G3BP1: variants seen among roughly 807,000 people sequenced by gnomAD.
G3BP1 encodes the protein ras GTPase-activating protein-binding protein 1.
G3BP1 carries 35 observed loss-of-function variants against 58.6 expected under a neutral mutation model. The ratio of observed to expected loss-of-function variants is 0.60; its 90% CI spans 0.46 to 0.79. The LOEUF is 0.79. G3BP1 is among the 30% of genes least tolerant of loss of function. The pLI is 0.00. For missense variants in G3BP1, 523 were observed against 580.8 expected (o/e 0.90, Z 1.02); for synonymous variants, 191 against 195.4 (o/e 0.98, Z 0.19).
Position 151,778,565 on chromosome 5 carries a change from C to G in G3BP1, c.-50+6529C>G, listed in dbSNP as rs867487356. On this transcript the variant is annotated intron_variant, in intron 1 of 11. Coordinates refer to ENST00000356245, the MANE Select transcript of G3BP1 (RefSeq NM_005754.3). ...TAGGTGATTCTCCTGTCTCAGCCTC[C>G]TGAGTAGCTGGGATTACAGGTATCC... Among the ~76,000 whole-genome samples, 22 of 152,144 alleles carry G rather than the reference C, an allele frequency of 1.4e-4. No homozygotes were observed. In the South Asian group the frequency reaches 3.1e-3, roughly 22 times the overall value.
intron 4 of G3BP1, 180 bp downstream of exon 4, chr5:151,791,242 A>G (rs1032355036): frequency 3.0e-5 from 15 of 508,154 alleles, no homozygotes; most frequent in Non-Finnish European, 5.0e-5. Flanking sequence ...CCACATGTGT[A>G]TAATTCTTTC....
intron 1 of G3BP1, among the ~76,000 whole-genome samples, chr5:151,785,495 T>C (rs1420006561): frequency 6.6e-6 from 1 of 152,228 alleles, no homozygotes; most frequent in East Asian, 1.9e-4. Flanking sequence ...TAAATCTGTA[T>C]ATATTCTCTG....
intron 2 of G3BP1, chr5:151,787,930 T>TGA (rs144682085): frequency 0.012 from 1,966 of 164,630 alleles, 49 homozygotes; most frequent in African/African-American, 0.043. Context: ...TGTGTGTGTG[T>TGA]GAGAGAGAGA....
At chr5:151,779,491 C>T (rs1762430784) in intron 1 of G3BP1, among the ~76,000 whole-genome samples, 1 of 152,094 alleles carries the variant, frequency 6.6e-6, no homozygotes, top group African/African-American at 2.4e-5. Flanking sequence ...TTAGTGAACT[C>T]CATTCTGTTT....
rs1763023262 is a variant in G3BP1, at chr5:151,811,875, A to G, written c.*7784A>G. ...ATATATACAAAGAAATTTCCATATAAAAGACATACTATCACATTTTCTTCT... is the reference window on the plus strand; with the variant it reads ...ATATATACAAAGAAATTTCCATATAGAAGACATACTATCACATTTTCTTCT... On this transcript the variant is annotated 3_prime_UTR_variant, in exon 12 of 12. Coordinates refer to ENST00000356245, the MANE Select transcript of G3BP1 (RefSeq NM_005754.3). The G allele has an allele frequency of 6.6e-6, 1 of 152,208 alleles. No individual in the cohort carries two copies. Among genetic ancestry groups the G allele is most frequent in the Non-Finnish European group, 1.5e-5 (1 of 68,044 alleles). The allele number at this position is 152,208 out of a possible 1,614,324, so 9.4% of individuals were successfully genotyped here.
Position 151,792,053 on chromosome 5 carries a change from T to G in G3BP1, c.351+991T>G, listed in dbSNP as rs142557386. 7.8e-3 allele frequency: 3,570 copies of G among 455,944 alleles called. 25 individuals carry two copies. The highest frequency in any genetic ancestry group is 0.01 in the Non-Finnish European group (2,342 of 226,880). 28.2% of individuals were successfully genotyped at this position (455,944 alleles called of 1,614,324 possible). The stretch of plus-strand genomic sequence containing the variant: ...GGCAAAATATTTTCCAGGTTCATCT[T>G]GCACTGTTCCTGGCCCAGTCCCTAT... On this transcript the variant is annotated intron_variant, in intron 4 of 11. Transcript: ENST00000356245.
At chr5:151,799,110 G>A in intron 7 of G3BP1, 102 bp from the exon 8 acceptor site, 1 of 701,196 alleles carries the variant, frequency 1.4e-6, no homozygotes. Flanking sequence ...CTGCCTATGA[G>A]AATGTGTTAC....
At position 151,791,009 on chromosome 5, in the gene G3BP1, A is replaced by C; in HGVS notation, c.298A>C (p.Asn100His). ...VVVQVMGLLSNNNQALRRFMQ... is the reference protein window; with the variant it reads ...VVVQVMGLLSHNNQALRRFMQ... ...AGTCCAGGTGATGGGGCTTCTCTCTAACAACAACCAGGCTTTGAGGAGATT... is the reference window on the plus strand; with the variant it reads ...AGTCCAGGTGATGGGGCTTCTCTCTCACAACAACCAGGCTTTGAGGAGATT... The change falls in exon 4 of 12, where the codon AAC (asparagine) becomes CAC (histidine). Residue 100 changes from asparagine to histidine, a missense_variant. Coordinates refer to ENST00000356245, the MANE Select transcript of G3BP1 (RefSeq NM_005754.3). 6.2e-7 allele frequency: 1 copy of C among 1,613,788 alleles called. No individual in the cohort carries two copies. Among genetic ancestry groups the C allele is most frequent in the Non-Finnish European group, 8.5e-7 (1 of 1,179,816 alleles).
chr5:151,800,359 G>T lies in G3BP1; in HGVS notation c.1084+13G>T. The T allele has an allele frequency of 6.2e-7, 1 of 1,604,672 alleles. No individual in the cohort carries two copies. The highest frequency in any genetic ancestry group is 8.5e-7 in the Non-Finnish European group (1 of 1,172,018). On this transcript the variant is annotated intron_variant, in intron 10 of 11. Coordinates refer to ENST00000356245, the MANE Select transcript of G3BP1 (RefSeq NM_005754.3). Reference sequence around the variant, plus strand: ...GATTTCTTTCAAAGTAGGTTATTGAGTTTTGAACACTAAATTCATCTAGTG... The same window carrying T: ...GATTTCTTTCAAAGTAGGTTATTGATTTTTGAACACTAAATTCATCTAGTG...
At position 151,783,118 on chromosome 5, in the gene G3BP1, A is replaced by G. The variant is rs374420792; in HGVS notation, c.-49-3454A>G. 2.0e-5 allele frequency among the ~76,000 whole-genome samples: 3 copies of G among 152,018 alleles called. No homozygotes were observed. In the East Asian group the frequency reaches 5.8e-4, roughly 29 times the overall value. ...GTGATCCGCCTGCCTTGGTGTCCCA[A>G]AGTGCTGGGGTTACAAGCGTGAGCC... On this transcript the variant is annotated intron_variant, in intron 1 of 11. Coordinates refer to ENST00000356245, the MANE Select transcript of G3BP1 (RefSeq NM_005754.3).
rs1286127639 is a variant in G3BP1, at chr5:151,790,947, A to G, written c.236A>G (p.His79Arg). ...NFTNCHTKIRHVDAHATLNDG... is the reference protein window; with the variant it reads ...NFTNCHTKIRRVDAHATLNDG... ...ACCAACTGCCACACCAAGATTCGCCATGTTGATGCTCATGCCACGCTAAAT... is the reference window on the plus strand; with the variant it reads ...ACCAACTGCCACACCAAGATTCGCCGTGTTGATGCTCATGCCACGCTAAAT... Residue 79 changes from histidine (H) to arginine (R), a missense_variant, in exon 4 of 12, where the codon CAT becomes CGT. His to Arg is a conservative substitution (Grantham distance 29). Coordinates refer to ENST00000356245, the MANE Select transcript of G3BP1 (RefSeq NM_005754.3). 1 of 1,611,310 alleles carries G rather than the reference A, an allele frequency of 6.2e-7. No homozygotes were observed.
rs374910835 is a variant in G3BP1, at chr5:151,808,740, G to T, written c.*4649G>T. On this transcript the variant is annotated 3_prime_UTR_variant, in exon 12 of 12. Coordinates refer to ENST00000356245, the MANE Select transcript of G3BP1 (RefSeq NM_005754.3). ...TTAAGTAAATTAAGGATGTTTACCA[G>T]AAATTATTGATTTACTGAACCAAGT... 2.0e-5 allele frequency: 3 copies of T among 152,294 alleles called. No individual in the cohort carries two copies. Among genetic ancestry groups the T allele is most frequent in the African/African-American group, 7.2e-5 (3 of 41,556 alleles). The allele number at this position is 152,294 out of a possible 1,614,324, so 9.4% of individuals were successfully genotyped here.
chr5:151,780,462 T>A (rs1295814161), intron 1 of G3BP1, among the ~76,000 whole-genome samples: 1 of 152,172 alleles, frequency 6.6e-6, no homozygotes, highest in African/African-American at 2.4e-5. Context: ...GCTGCCTTTA[T>A]GTTTCCCTGC....
In G3BP1 at chr5:151,795,157, T is replaced by C. The variant is rs530794052; in HGVS notation, c.443-322T>C. Reference sequence around the variant, plus strand: ...CCAGGCGTGGTGGCAGGCGCCTTAGTCCTAGCTATTCGGGAGACTGAGGCA... The same window carrying C: ...CCAGGCGTGGTGGCAGGCGCCTTAGCCCTAGCTATTCGGGAGACTGAGGCA... On this transcript the variant is annotated intron_variant, in intron 5 of 11. Transcript: ENST00000356245. Among the ~76,000 whole-genome samples, 107 of 152,296 alleles carry C rather than the reference T, an allele frequency of 7.0e-4. 1 individual carries two copies. Among genetic ancestry groups the C allele is most frequent in the Non-Finnish European group, 8.8e-5 (6 of 68,020 alleles).
chr5:151,774,352 T>G (rs888608853), intron 1 of G3BP1, among the ~76,000 whole-genome samples: 1 of 152,060 alleles, frequency 6.6e-6, no homozygotes, highest in Non-Finnish European at 1.5e-5. Context: ...GGTTTTTTTT[T>G]TTCCCACTCG....
intron 6 of G3BP1, 82 bp downstream of exon 6, chr5:151,795,657 A>G (rs1315433881): frequency 1.8e-5 from 12 of 675,046 alleles, no homozygotes; most frequent in African/African-American, 1.6e-4. Flanking sequence ...GGGCATTTAC[A>G]TATTCTGAGA....
Position 151,800,221 on chromosome 5 carries a change from G to A in G3BP1, c.959G>A (p.Arg320His), listed in dbSNP as rs190948129. 1.6e-5 allele frequency: 25 copies of A among 1,612,154 alleles called. No individual in the cohort carries two copies. The highest frequency in any genetic ancestry group is 6.6e-5 in the South Asian group (6 of 90,940). ...GATGTTTTTGTCTCCTTTTAAGTCC[G>A]TGAGGCTGGTGAGCAAGGTGACATT... ...IPPQRGPRPI[R>H]EAGEQGDIEP... Residue 320 changes from arginine to histidine, a missense_variant, in exon 10 of 12, where the codon CGT becomes CAT. Arg to His is a conservative substitution (Grantham distance 29). Coordinates refer to ENST00000356245, the MANE Select transcript of G3BP1 (RefSeq NM_005754.3).
intron 1 of G3BP1, among the ~76,000 whole-genome samples, chr5:151,786,031 C>A (rs555026524): frequency 6.6e-6 from 1 of 152,200 alleles, no homozygotes; most frequent in Admixed American, 6.5e-5. Context: ...CTGTGGCTCA[C>A]GCCTGTAATC....
chr5:151,793,692 G>T (rs932829030), intron 4 of G3BP1, among the ~76,000 whole-genome samples: 1 of 151,982 alleles, frequency 6.6e-6, no homozygotes, highest in Non-Finnish European at 1.5e-5. Context: ...AGCATTCCAT[G>T]TAGTGAATAC....
Sources: gnomAD v4.1 joint callset for allele counts (sites outside exome capture counted in the v4.1 genomes callset) on GRCh38, gnomAD v4.1.1 for gene constraint, MANE v1.5 for transcripts, NCBI Gene and HGNC (gene_info 2026-07-23, HGNC 2026-07-21) for gene names.